CDK5R2: variants seen among roughly 807,000 people sequenced by gnomAD.
CDK5R2 encodes the protein cyclin dependent kinase 5 regulatory subunit 2.
A neutral mutation model predicts 23.1 loss-of-function variants in CDK5R2; 7 were observed. The ratio of observed to expected loss-of-function variants is 0.30; its 90% CI spans 0.17 to 0.57. The LOEUF is 0.57. Among genes scored for constraint, CDK5R2 ranks in the 20% least tolerant of loss-of-function variants. CDK5R2 has a pLI of 0.91. For missense variants in CDK5R2, 380 were observed against 537.6 expected (o/e 0.71, Z 2.90); for synonymous variants, 242 against 264.9 (o/e 0.91, Z 0.84).
Position 218,960,174 on chromosome 2 carries a change from C to T in CDK5R2, c.354C>T (p.Ala118=). ...GRDPPDGGGT[A]KPLAVPVPTV... is the part of the protein sequence containing the mutation. ...ATCCCCCCGACGGCGGCGGCACCGC[C>T]AAGCCCCTGGCGGTGCCAGTGCCCA... is the stretch of plus-strand genomic sequence containing the variant. The change falls in exon 1 of 1, where the codon GCC becomes GCT. Residue 118 remains alanine (A), a synonymous_variant. Coordinates refer to ENST00000302625, the MANE Select transcript of CDK5R2 (RefSeq NM_003936.5). The T allele has an allele frequency of 6.5e-7, 1 of 1,528,076 alleles. No homozygotes were observed. Among genetic ancestry groups the T allele is most frequent in the Admixed American group, 2.1e-5 (1 of 48,438 alleles). The allele number at this position is 1,528,076 out of a possible 1,614,324, so 94.7% of individuals were successfully genotyped here. A position where few individuals can be genotyped will look rare whatever the true frequency, so the allele number is the denominator to read the frequency against.
chr2:218,960,938 C>T lies in CDK5R2; in HGVS notation c.*14C>T. 7.7e-7 allele frequency: 1 copy of T among 1,296,770 alleles called. No individual in the cohort carries two copies. The highest frequency in any genetic ancestry group is 1.0e-6 in the Non-Finnish European group (1 of 981,370). 80.3% of individuals were successfully genotyped at this position (1,296,770 alleles called of 1,614,324 possible). On this transcript the variant is annotated 3_prime_UTR_variant, in exon 1 of 1. Coordinates refer to ENST00000302625, the MANE Select transcript of CDK5R2 (RefSeq NM_003936.5). ...CTGGACCGCTAGGGATACCCAGGGG[C>T]CGCGCCCATCCCCCGCCCCAGCCCC...
In CDK5R2 at chr2:218,960,259, C is replaced by A; in HGVS notation, c.439C>A (p.Pro147Thr). 1 of 1,268,446 alleles carries A rather than the reference C, an allele frequency of 7.9e-7. No individual in the cohort carries two copies. The highest frequency in any genetic ancestry group is 9.9e-7 in the Non-Finnish European group (1 of 1,014,470). The allele number at this position is 1,268,446 out of a possible 1,614,324, so 78.6% of individuals were successfully genotyped here. ...PPSGGSAAAQPPGSGGGKPPP... is the reference protein window; with the variant it reads ...PPSGGSAAAQTPGSGGGKPPP... ...GTCGGGGGGCAGCGCGGCCGCTCAG[C>A]CGCCGGGCTCGGGCGGGGGAAAGCC... Residue 147 changes from proline to threonine, a missense_variant, in exon 1 of 1, where the codon CCG becomes ACG. This residue lies in a region of CDK5R2 where 197 missense variants were observed against 246.4 expected (regional missense o/e 0.80). Transcript: ENST00000302625.
chr2:218,959,779 G>A lies in CDK5R2; in HGVS notation c.-42G>A. 4 of 1,235,812 alleles carry A rather than the reference G, an allele frequency of 3.2e-6. No homozygotes were observed. The highest frequency in any genetic ancestry group is 4.0e-6 in the Non-Finnish European group (4 of 991,212). The allele number at this position is 1,235,812 out of a possible 1,614,324, so 76.6% of individuals were successfully genotyped here. A position where few individuals can be genotyped will look rare whatever the true frequency, so the allele number is the denominator to read the frequency against. ...GGCTGCAGTAGCAGCGGCGCCGCCC[G>A]CGGCTCCCGCTGGGGCCTGGGCGCC... is the stretch of plus-strand genomic sequence containing the variant. On this transcript the variant is annotated 5_prime_UTR_variant, in exon 1 of 1. Coordinates refer to ENST00000302625, the MANE Select transcript of CDK5R2 (RefSeq NM_003936.5). The surrounding 1 kb of genome is among the most constrained non-coding windows in gnomAD (Gnocchi z 4.0).
In CDK5R2 at chr2:218,959,968, G is replaced by T; in HGVS notation, c.148G>T (p.Gly50Cys). ...GAPPVGKGGK[G>C]ESRLKRPSVL... ...GCCGCCAGTGGGCAAGGGCGGCAAA[G>T]GCGAGAGCCGACTCAAGCGGCCGTC... The change falls in exon 1 of 1, where the codon GGC (glycine) becomes TGC (cysteine). Residue 50 changes from glycine to cysteine, a missense_variant. By Grantham distance (159) the Gly-to-Cys change is radical (BLOSUM62 -3). Transcript: ENST00000302625. The surrounding 1 kb of genome is among the most constrained non-coding windows in gnomAD (Gnocchi z 4.0). The T allele has an allele frequency of 1.3e-6, 2 of 1,552,796 alleles. No homozygotes were observed. The highest frequency in any genetic ancestry group is 1.7e-6 in the Non-Finnish European group (2 of 1,152,818).
rs1945186481 is a variant in CDK5R2, at chr2:218,959,718, G to A, written c.-103G>A. 8.3e-7 allele frequency: 1 copy of A among 1,201,374 alleles called. No homozygotes were observed. The allele number at this position is 1,201,374 out of a possible 1,614,324, so 74.4% of individuals were successfully genotyped here. A position where few individuals can be genotyped will look rare whatever the true frequency, so the allele number is the denominator to read the frequency against. ...CTTCCCCCGCCAGTCCGCGCGCCCG[G>A]GCCGGGGCTAGGCCCCCCACCGCCG... On this transcript the variant is annotated 5_prime_UTR_variant, in exon 1 of 1. Transcript: ENST00000302625. The surrounding 1 kb of genome is among the most constrained non-coding windows in gnomAD (Gnocchi z 4.0).
chr2:218,959,671 A>C lies in CDK5R2; in HGVS notation c.-150A>C, dbSNP rs1473545703. The stretch of plus-strand genomic sequence containing the variant: ...AGCTGGCGCAGCTCAGGATTAGAGC[A>C]GCGGAGCCGCCTAGCAGCCACCTTC... On this transcript the variant is annotated 5_prime_UTR_variant, in exon 1 of 1. Transcript: ENST00000302625. The surrounding 1 kb of genome is among the most constrained non-coding windows in gnomAD (Gnocchi z 4.0). 2.1e-6 allele frequency: 2 copies of C among 957,332 alleles called. No homozygotes were observed. Among genetic ancestry groups the C allele is most frequent in the Non-Finnish European group, 2.7e-6 (2 of 749,058 alleles). 59.3% of individuals were successfully genotyped at this position (957,332 alleles called of 1,614,324 possible).
Position 218,959,883 on chromosome 2 carries a change from G to C in CDK5R2, c.63G>C (p.Leu21=), listed in dbSNP as rs1245766323. 2 of 1,446,860 alleles carry C rather than the reference G, an allele frequency of 1.4e-6. No individual in the cohort carries two copies. The highest frequency in any genetic ancestry group is 1.5e-5 in the African/African-American group (1 of 67,356). 89.6% of individuals were successfully genotyped at this position (1,446,860 alleles called of 1,614,324 possible). The change falls in exon 1 of 1, where the codon CTG becomes CTC. Residue 21 remains leucine, a synonymous_variant. Transcript: ENST00000302625. This position sits in a 1 kb window ranked among gnomAD's most constrained non-coding sequence, Gnocchi z 4.0. The part of the protein sequence containing the change: ...SSAKGRRPGG[L]PEEKKKAPPA... ...CCAAGGGCCGGAGGCCCGGCGGGCT[G>C]CCCGAGGAGAAGAAGAAGGCGCCGC...
chr2:218,960,376 C>T lies in CDK5R2; in HGVS notation c.556C>T (p.Leu186=). ...RVIVQASTGE[L]LRCLGDFVCR... ...CATCGTGCAGGCGTCCACCGGCGAG[C>T]TGCTGCGCTGTCTGGGCGACTTCGT... Residue 186 remains leucine, a synonymous_variant, in exon 1 of 1, where the codon CTG becomes TTG. Transcript: ENST00000302625. 6.4e-7 allele frequency: 1 copy of T among 1,572,102 alleles called. No individual in the cohort carries two copies. The highest frequency in any genetic ancestry group is 8.6e-7 in the Non-Finnish European group (1 of 1,165,246).
In CDK5R2 at chr2:218,960,822, C is replaced by A. The variant is rs573686875; in HGVS notation, c.1002C>A (p.Ser334Arg). The A allele has an allele frequency of 1.3e-6, 2 of 1,564,496 alleles. No individual in the cohort carries two copies. The highest frequency in any genetic ancestry group is 1.7e-6 in the Non-Finnish European group (2 of 1,163,742). The change falls in exon 1 of 1, where the codon AGC becomes AGA. Residue 334 changes from serine (S) to arginine (R), a missense_variant. Coordinates refer to ENST00000302625, the MANE Select transcript of CDK5R2 (RefSeq NM_003936.5). ...AGAACGAGGGCGAGGCCGCCGCCAG[C>A]GGCGGGGGCCCACCGAGCGGGGGCG... The part of the protein sequence containing the change: ...DLKNEGEAAA[S>R]GGGPPSGGAP...
Position 218,961,263 on chromosome 2 carries a change from T to A in CDK5R2, c.*339T>A. Reference sequence around the variant, plus strand: ...CGGTTTTATCCATTTCCTTGCCTCCTTTTTGTGTCTTCATTTTTCCTCCTG... The same window carrying A: ...CGGTTTTATCCATTTCCTTGCCTCCATTTTGTGTCTTCATTTTTCCTCCTG... On this transcript the variant is annotated 3_prime_UTR_variant, in exon 1 of 1. Transcript: ENST00000302625. The surrounding 1 kb of genome is among the most constrained non-coding windows in gnomAD (Gnocchi z 4.4). 7.6e-6 allele frequency: 2 copies of A among 264,386 alleles called. No homozygotes were observed. Among genetic ancestry groups the A allele is most frequent in the Non-Finnish European group, 7.6e-6 (1 of 132,152 alleles). 16.4% of individuals were successfully genotyped at this position (264,386 alleles called of 1,614,324 possible).
chr2:218,961,221 T>G lies in CDK5R2; in HGVS notation c.*297T>G. 1 of 352,664 alleles carries G rather than the reference T, an allele frequency of 2.8e-6. No homozygotes were observed. Among genetic ancestry groups the G allele is most frequent in the Non-Finnish European group, 5.3e-6 (1 of 189,750 alleles). 21.8% of individuals were successfully genotyped at this position (352,664 alleles called of 1,614,324 possible). ...TTTCTGCCGGGGTCTCCCCCTTCCC[T>G]TCAGCCCATTCCCCCTCGGTTTTAT... On this transcript the variant is annotated 3_prime_UTR_variant, in exon 1 of 1. Transcript: ENST00000302625. This position sits in a 1 kb window ranked among gnomAD's most constrained non-coding sequence, Gnocchi z 4.4.
chr2:218,959,886 C>A lies in CDK5R2; in HGVS notation c.66C>A (p.Pro22=), dbSNP rs760501749. The change falls in exon 1 of 1, where the codon CCC becomes CCA. Residue 22 remains proline, a synonymous_variant. Transcript: ENST00000302625. The surrounding 1 kb of genome is among the most constrained non-coding windows in gnomAD (Gnocchi z 4.0). ...SAKGRRPGGL[P]EEKKKAPPAG... ...AGGGCCGGAGGCCCGGCGGGCTGCC[C>A]GAGGAGAAGAAGAAGGCGCCGCCCG... The A allele has an allele frequency of 1.4e-6, 2 of 1,449,260 alleles. No homozygotes were observed. Among genetic ancestry groups the A allele is most frequent in the African/African-American group, 1.5e-5 (1 of 67,242 alleles). The allele number at this position is 1,449,260 out of a possible 1,614,324, so 89.8% of individuals were successfully genotyped here. A position where few individuals can be genotyped will look rare whatever the true frequency, so the allele number is the denominator to read the frequency against.
rs946405757 is a variant in CDK5R2, at chr2:218,959,991, G to C, written c.171G>C (p.Pro57=). 1.9e-6 allele frequency: 3 copies of C among 1,565,004 alleles called. No homozygotes were observed. In the African/African-American group the frequency reaches 4.2e-5, roughly 22 times the overall value. The change falls in exon 1 of 1, where the codon CCG becomes CCC. Residue 57 remains proline, a synonymous_variant. Coordinates refer to ENST00000302625, the MANE Select transcript of CDK5R2 (RefSeq NM_003936.5). The surrounding 1 kb of genome is among the most constrained non-coding windows in gnomAD (Gnocchi z 4.0). ...GGKGESRLKR[P]SVLISALTWK... ...AAGGCGAGAGCCGACTCAAGCGGCC[G>C]TCCGTGCTCATCTCGGCGCTCACCT...
chr2:218,959,722 G>A lies in CDK5R2; in HGVS notation c.-99G>A. 4 of 1,205,096 alleles carry A rather than the reference G, an allele frequency of 3.3e-6. No individual in the cohort carries two copies. Among genetic ancestry groups the A allele is most frequent in the Non-Finnish European group, 4.1e-6 (4 of 970,506 alleles). The allele number at this position is 1,205,096 out of a possible 1,614,324, so 74.7% of individuals were successfully genotyped here. ...CCCCGCCAGTCCGCGCGCCCGGGCC[G>A]GGGCTAGGCCCCCCACCGCCGGGTC... is the stretch of plus-strand genomic sequence containing the variant. On this transcript the variant is annotated 5_prime_UTR_variant, in exon 1 of 1. Transcript: ENST00000302625. This position sits in a 1 kb window ranked among gnomAD's most constrained non-coding sequence, Gnocchi z 4.0.
chr2:218,962,051 G>A lies in CDK5R2; in HGVS notation c.*1127G>A, dbSNP rs369108317. ...GGGTACCAGGGACTGAGTTGGGCCT[G>A]GGGCCGTGTCCAAGGTGCCAATGAT... is the stretch of plus-strand genomic sequence containing the variant. On this transcript the variant is annotated 3_prime_UTR_variant, in exon 1 of 1. Coordinates refer to ENST00000302625, the MANE Select transcript of CDK5R2 (RefSeq NM_003936.5). The A allele has an allele frequency of 4.1e-3, 680 of 167,436 alleles. 6 individuals are homozygous for A. The highest frequency in any genetic ancestry group is 0.016 in the South Asian group (76 of 4,834). 10.4% of individuals were successfully genotyped at this position (167,436 alleles called of 1,614,324 possible). A position where few individuals can be genotyped will look rare whatever the true frequency, so the allele number is the denominator to read the frequency against.
chr2:218,959,730 G>GC lies in CDK5R2; in HGVS notation c.-85dup, dbSNP rs1235394239. The GC allele has an allele frequency of 3.0e-5, 36 of 1,213,542 alleles. No homozygotes were observed. Among genetic ancestry groups the GC allele is most frequent in the African/African-American group, 4.7e-5 (3 of 63,502 alleles). 75.2% of individuals were successfully genotyped at this position (1,213,542 alleles called of 1,614,324 possible). Reference sequence around the variant, plus strand: ...GTCCGCGCGCCCGGGCCGGGGCTAGGCCCCCCACCGCCGGGTCCCCCGGGG... The same window carrying GC: ...GTCCGCGCGCCCGGGCCGGGGCTAGGCCCCCCCACCGCCGGGTCCCCCGGGG... On this transcript the variant is annotated 5_prime_UTR_variant, in exon 1 of 1. Transcript: ENST00000302625. The surrounding 1 kb of genome is among the most constrained non-coding windows in gnomAD (Gnocchi z 4.0).
Position 218,960,837 on chromosome 2 carries a change from G to A in CDK5R2, c.1017G>A (p.Pro339=). 6.6e-7 allele frequency: 1 copy of A among 1,521,268 alleles called. No homozygotes were observed. Among genetic ancestry groups the A allele is most frequent in the East Asian group, 2.5e-5 (1 of 39,794 alleles). 94.2% of individuals were successfully genotyped at this position (1,521,268 alleles called of 1,614,324 possible). The change falls in exon 1 of 1, where the codon CCG becomes CCA. Residue 339 remains proline (P), a synonymous_variant. Transcript: ENST00000302625. ...CCGCCGCCAGCGGCGGGGGCCCACCGAGCGGGGGCGCGCCCGCCGCCTCCT... is the reference window on the plus strand; with the variant it reads ...CCGCCGCCAGCGGCGGGGGCCCACCAAGCGGGGGCGCGCCCGCCGCCTCCT... The part of the protein sequence containing the change: ...GEAAASGGGP[P]SGGAPAASSA...
chr2:218,959,812 C>T lies in CDK5R2; in HGVS notation c.-9C>T. 1 of 1,276,108 alleles carries T rather than the reference C, an allele frequency of 7.8e-7. No individual in the cohort carries two copies. The highest frequency in any genetic ancestry group is 9.8e-7 in the Non-Finnish European group (1 of 1,015,388). 79.0% of individuals were successfully genotyped at this position (1,276,108 alleles called of 1,614,324 possible). A position where few individuals can be genotyped will look rare whatever the true frequency, so the allele number is the denominator to read the frequency against. On this transcript the variant is annotated 5_prime_UTR_variant, in exon 1 of 1. Transcript: ENST00000302625. This position sits in a 1 kb window ranked among gnomAD's most constrained non-coding sequence, Gnocchi z 4.0. Reference sequence around the variant, plus strand: ...CGCTGGGGCCTGGGCGCCGGCCCCGCTCTGCAGGATGGGCACAGTGCTGTC... The same window carrying T: ...CGCTGGGGCCTGGGCGCCGGCCCCGTTCTGCAGGATGGGCACAGTGCTGTC...
At position 218,960,520 on chromosome 2, in the gene CDK5R2, G is replaced by T. The variant is rs1159997739; in HGVS notation, c.700G>T (p.Ala234Ser). The change falls in exon 1 of 1, where the codon GCA becomes TCA. Residue 234 changes from alanine (A) to serine (S), a missense_variant. Physicochemically the swap from Ala to Ser is moderately conservative, Grantham distance 99 (BLOSUM62 1). Transcript: ENST00000302625. The part of the protein sequence containing the change: ...GWQDQAFITP[A>S]NLVFVYLLCR... ...GCAAGACCAGGCCTTCATTACGCCT[G>T]CAAACCTGGTGTTCGTGTACCTGCT... 6.2e-7 allele frequency: 1 copy of T among 1,614,000 alleles called. No individual in the cohort carries two copies. Among genetic ancestry groups the T allele is most frequent in the Non-Finnish European group, 8.5e-7 (1 of 1,179,928 alleles).
Sources: gnomAD v4.1 joint callset for allele counts on GRCh38, gnomAD v4.1.1 for gene constraint, gnomAD v4.1.1 regional missense constraint, Gnocchi (gnomAD v3.1) non-coding constraint, MANE v1.5 for transcripts, NCBI Gene and HGNC (gene_info 2026-07-23, HGNC 2026-07-21) for gene names.